Variants in MARK2 observed in about 807,000 individuals in gnomAD.
The protein encoded by MARK2 is microtubule affinity regulating kinase 2, also known as serine/threonine-protein kinase MARK2.
A neutral mutation model predicts 89.8 loss-of-function variants in MARK2; 16 were observed. The ratio of observed to expected loss-of-function variants is 0.18; its 90% CI spans 0.12 to 0.27. The LOEUF is 0.27. Ranked by LOEUF, MARK2 falls within the 10% of genes least tolerant of loss-of-function variation. The pLI is 1.00. For synonymous variants in MARK2, 382 were observed against 399.5 expected (o/e 0.96, Z 0.52); for missense variants, 621 against 1,049.9 (o/e 0.59, Z 5.65).
chr11:63,903,313 C>G lies in MARK2; in HGVS notation c.1514+155C>G. On this transcript the variant is annotated intron_variant, in intron 14 of 18. Transcript: ENST00000402010. The surrounding 1 kb of genome is among the most constrained non-coding windows in gnomAD (Gnocchi z 5.1). Reference sequence around the variant, plus strand: ...GTGTCCAGTCCAGCTTTCCCCTCCCCTATTCCACGCCATTGCCTCCTCCCC... The same window carrying G: ...GTGTCCAGTCCAGCTTTCCCCTCCCGTATTCCACGCCATTGCCTCCTCCCC... 1.6e-6 allele frequency: 1 copy of G among 637,656 alleles called. No homozygotes were observed. Among genetic ancestry groups the G allele is most frequent in the East Asian group, 2.7e-5 (1 of 36,456 alleles). 39.5% of individuals were successfully genotyped at this position (637,656 alleles called of 1,614,324 possible).
At chr11:63,856,538 C>T (rs866803353) in intron 1 of MARK2, among the ~76,000 whole-genome samples, 25 of 150,382 alleles carry the variant, frequency 1.7e-4, no homozygotes, top group African/African-American at 5.1e-4. Context: ...ATCCTCCCAC[C>T]TCCGCCTCCC....
chr11:63,839,625 C>T, intron 1 of MARK2, 65 bp downstream of exon 1: 3 of 1,023,106 alleles, frequency 2.9e-6, no homozygotes, highest in Non-Finnish European at 4.4e-6. Flanking sequence ...GGAGCCTCCT[C>T]CCTCTTCTGC....
chr11:63,865,526 A>G (rs993107947), intron 1 of MARK2, among the ~76,000 whole-genome samples: 1 of 152,180 alleles, frequency 6.6e-6, no homozygotes, highest in Non-Finnish European at 1.5e-5. Context: ...GGTAGCTGCT[A>G]TTCACTCAGG....
At chr11:63,857,584 A>G (rs2016929092) in intron 1 of MARK2, among the ~76,000 whole-genome samples, 1 of 152,230 alleles carries the variant, frequency 6.6e-6, no homozygotes, top group African/African-American at 2.4e-5. Flanking sequence ...TAAGTTTTTT[A>G]TTAAAAATAA....
At chr11:63,865,121 C>T (rs1224026235) in intron 1 of MARK2, among the ~76,000 whole-genome samples, 13 of 152,110 alleles carry the variant, frequency 8.5e-5, no homozygotes, top group Non-Finnish European at 1.6e-4. Flanking sequence ...GAACTCCTGG[C>T]GTCAAGCAAC....
chr11:63,887,465 C>T (rs1024660843), intron 1 of MARK2, among the ~76,000 whole-genome samples: 4 of 152,196 alleles, frequency 2.6e-5, no homozygotes, highest in African/African-American at 7.2e-5. Context: ...ATGCTGAATC[C>T]GTTGGCCAGG....
intron 1 of MARK2, among the ~76,000 whole-genome samples, chr11:63,856,498 T>C (rs2016857704): frequency 1.3e-5 from 2 of 148,584 alleles, no homozygotes; most frequent in Non-Finnish European, 3.0e-5. Context: ...TCTCAGCTCA[T>C]TGCAGCCTTG....
chr11:63,840,753 G>T (rs2015972976), intron 1 of MARK2, among the ~76,000 whole-genome samples: 1 of 152,122 alleles, frequency 6.6e-6, no homozygotes, highest in Non-Finnish European at 1.5e-5. Flanking sequence ...GATCCATTCT[G>T]TTCCTATTGG....
chr11:63,882,381 C>A (rs1274042731), intron 1 of MARK2, among the ~76,000 whole-genome samples: 1 of 151,892 alleles, frequency 6.6e-6, no homozygotes, highest in Non-Finnish European at 1.5e-5. Context: ...ATCAGGAGTT[C>A]GAGACTAGCC....
intron 1 of MARK2, among the ~76,000 whole-genome samples, chr11:63,865,350 C>A (rs1938071036): frequency 6.6e-6 from 1 of 152,104 alleles, no homozygotes; most frequent in Non-Finnish European, 1.5e-5. Context: ...GCGACCCTCC[C>A]ACCTCAGCCT....
Position 63,903,905 on chromosome 11 carries a change from C to T in MARK2, c.1515-81C>T. ...CCAGAGCTCCCCAGCTCTGGCCCTT[C>T]CCCTGCCCTTGCTTCCTAATCCAGG... On this transcript the variant is annotated intron_variant, in intron 14 of 18. Coordinates refer to ENST00000402010, the MANE Select transcript of MARK2 (RefSeq NM_001039469.3). The surrounding 1 kb of genome is among the most constrained non-coding windows in gnomAD (Gnocchi z 5.1). 7.9e-7 allele frequency: 1 copy of T among 1,268,100 alleles called. No homozygotes were observed. Among genetic ancestry groups the T allele is most frequent in the Non-Finnish European group, 1.1e-6 (1 of 917,478 alleles). The allele number at this position is 1,268,100 out of a possible 1,614,324, so 78.6% of individuals were successfully genotyped here.
intron 1 of MARK2, among the ~76,000 whole-genome samples, chr11:63,877,725 G>A (rs549319857): frequency 7.6e-4 from 116 of 152,254 alleles, no homozygotes; most frequent in African/African-American, 2.4e-3. Context: ...TAAGGTACAC[G>A]TAATGGAAAA....
chr11:63,846,326 G>C (rs775548659), intron 1 of MARK2, among the ~76,000 whole-genome samples: 1 of 151,846 alleles, frequency 6.6e-6, no homozygotes, highest in Non-Finnish European at 1.5e-5. Context: ...AGACCAGCCT[G>C]AGCAACATAG....
intron 1 of MARK2, among the ~76,000 whole-genome samples, chr11:63,883,933 G>A (rs963734979): frequency 6.6e-6 from 1 of 152,194 alleles, no homozygotes; most frequent in Non-Finnish European, 1.5e-5. Context: ...AATGGGTACA[G>A]CTAGTATCTT....
intron 1 of MARK2, among the ~76,000 whole-genome samples, chr11:63,863,521 G>T (rs1041239797): frequency 7.3e-6 from 1 of 137,434 alleles, no homozygotes; most frequent in Admixed American, 8.7e-5. Context: ...CTGGAGTGCA[G>T]TGGCGCAATC....
chr11:63,873,407 G>C (rs964007514), intron 1 of MARK2, among the ~76,000 whole-genome samples: 3 of 152,166 alleles, frequency 2.0e-5, no homozygotes, highest in African/African-American at 7.2e-5. Flanking sequence ...CAAGAGAGTG[G>C]TAGCTGCTCC....
chr11:63,877,009 G>A (rs145047963), intron 1 of MARK2, among the ~76,000 whole-genome samples: 1 of 151,600 alleles, frequency 6.6e-6, no homozygotes, highest in Non-Finnish European at 1.5e-5. Flanking sequence ...GCCATTCCCA[G>A]GTTCATACCA....
chr11:63,902,785 G>C lies in MARK2; in HGVS notation c.1416+3G>C. The stretch of plus-strand genomic sequence containing the variant: ...AGACCACCCCAACCCCCTCCACGGT[G>C]AGCCGCACCCCCCGCTCTCTCCTTC... On this transcript the variant is annotated splice_donor_region_variant and intron_variant, in intron 13 of 18. Coordinates refer to ENST00000402010, the MANE Select transcript of MARK2 (RefSeq NM_001039469.3). The surrounding 1 kb of genome is among the most constrained non-coding windows in gnomAD (Gnocchi z 4.2). 6.2e-7 allele frequency: 1 copy of C among 1,606,696 alleles called. No homozygotes were observed. Among genetic ancestry groups the C allele is most frequent in the Non-Finnish European group, 8.5e-7 (1 of 1,175,006 alleles).
At chr11:63,845,613 C>T (rs2016239452) in intron 1 of MARK2, among the ~76,000 whole-genome samples, 1 of 152,196 alleles carries the variant, frequency 6.6e-6, no homozygotes, top group Non-Finnish European at 1.5e-5. Flanking sequence ...ACCCTCTTCC[C>T]ACTGCTGGAG....
Sources: allele counts gnomAD v4.1 joint callset (sites outside exome capture counted in the v4.1 genomes callset), GRCh38; gene constraint gnomAD v4.1.1; non-coding constraint Gnocchi (gnomAD v3.1); transcripts MANE v1.5; gene names NCBI Gene and HGNC (gene_info 2026-07-23, HGNC 2026-07-21).